Variants in KIRREL3 observed in about 807,000 individuals in gnomAD.
KIRREL3 encodes the protein kirre like nephrin family adhesion molecule 3, also known as kin of IRRE-like protein 3.
In KIRREL3, 36 loss-of-function variants were observed where a neutral mutation model predicts 89.7. That is an observed-to-expected ratio of 0.40 (90% CI 0.31 to 0.53). The LOEUF is 0.53. KIRREL3 is among the 20% of genes least tolerant of loss of function. The pLI is 0.49. For synonymous variants in KIRREL3, 445 were observed against 441.4 expected (o/e 1.01, Z -0.10); for missense variants, 864 against 1,056.6 (o/e 0.82, Z 2.53).
rs374371528 is a variant in KIRREL3 at position 126,802,136 on chromosome 11, G to A, written c.55+198319C>T. On this transcript the variant is annotated intron_variant, in intron 1 of 16. Transcript: ENST00000525144. This position sits in a 1 kb window ranked among gnomAD's most constrained non-coding sequence, Gnocchi z 5.2. ...AGACATTCAGAAATTCAGTTTTAAT[G>A]TCACAGGTTATGACTGTCGTTTACC... 7.2e-5 allele frequency among the ~76,000 whole-genome samples: 11 copies of A among 152,128 alleles called. No homozygotes were observed. Among genetic ancestry groups the A allele is most frequent in the African/African-American group, 2.7e-4 (11 of 41,426 alleles).
chr11:126,502,084 GT>G (rs1301718497), intron 4 of KIRREL3, among the ~76,000 whole-genome samples: 1 of 152,172 alleles, frequency 6.6e-6, no homozygotes, highest in Non-Finnish European at 1.5e-5. Flanking sequence ...GATAATGAAT[GT>G]AAAAAACTCT....
intron 6 of KIRREL3, among the ~76,000 whole-genome samples, chr11:126,457,365 G>A (rs1441685125): frequency 1.1e-5 from 1 of 87,392 alleles, no homozygotes; most frequent in African/African-American, 4.7e-5. Flanking sequence ...GTCTCTGTGT[G>A]TATGCGTGTA....
chr11:126,767,049 AT>A (rs1949847078), intron 1 of KIRREL3, among the ~76,000 whole-genome samples: 1 of 152,200 alleles, frequency 6.6e-6, no homozygotes, highest in African/African-American at 2.4e-5. Context: ...TACAGGGCTG[AT>A]TTAATGTGAC....
intron 1 of KIRREL3, among the ~76,000 whole-genome samples, chr11:126,865,866 CT>C (rs898324006): frequency 4.0e-5 from 6 of 151,502 alleles, no homozygotes; most frequent in Middle Eastern, 3.4e-3. Flanking sequence ...TTTTTTCTTT[CT>C]TTTTTTTTAA....
rs1395991009 is a variant in KIRREL3, at chr11:126,802,737, C to A, written c.55+197718G>T. 6.6e-6 allele frequency among the ~76,000 whole-genome samples: 1 copy of A among 152,196 alleles called. No individual in the cohort carries two copies. The highest frequency in any genetic ancestry group is 6.5e-5 in the Admixed American group (1 of 15,284). ...TAATTATCCTACTCTTTAAATCAAT[C>A]TTTCTTAAATGTATGTATAGATCTT... On this transcript the variant is annotated intron_variant, in intron 1 of 16. Coordinates refer to ENST00000525144, the MANE Select transcript of KIRREL3 (RefSeq NM_032531.4). This position sits in a 1 kb window ranked among gnomAD's most constrained non-coding sequence, Gnocchi z 5.2.
At position 126,424,402 on chromosome 11, in the gene KIRREL3, T is replaced by G; in HGVS notation, c.*178A>C. On this transcript the variant is annotated 3_prime_UTR_variant, in exon 17 of 17. Transcript: ENST00000525144. ...CCGCCCACCTCTGGCACACAGCACCTGGGGACCCAGATTTGTGCTTGATCA... is the reference window on the plus strand; with the variant it reads ...CCGCCCACCTCTGGCACACAGCACCGGGGGACCCAGATTTGTGCTTGATCA... 2 of 389,470 alleles carry G rather than the reference T, an allele frequency of 5.1e-6. No homozygotes were observed. The highest frequency in any genetic ancestry group is 9.8e-6 in the Non-Finnish European group (2 of 203,140). 24.1% of individuals were successfully genotyped at this position (389,470 alleles called of 1,614,324 possible).
rs1467578816 is a variant in KIRREL3, at chr11:126,890,999, G to A, written c.55+109456C>T. Among the ~76,000 whole-genome samples, 1 of 152,176 alleles carries A rather than the reference G, an allele frequency of 6.6e-6. No individual in the cohort carries two copies. The highest frequency in any genetic ancestry group is 6.5e-5 in the Admixed American group (1 of 15,282). ...GCCCACTCTGCTGCCTTTATTTAAT[G>A]AGGTTTATTGTTTGTGCTTAGTAAT... On this transcript the variant is annotated intron_variant, in intron 1 of 16. Coordinates refer to ENST00000525144, the MANE Select transcript of KIRREL3 (RefSeq NM_032531.4). The surrounding 1 kb of genome is among the most constrained non-coding windows in gnomAD (Gnocchi z 5.1).
rs370371481 is a variant in KIRREL3 at position 126,724,718 on chromosome 11, T to C, written c.56-161806A>G. Among the ~76,000 whole-genome samples, 12 of 152,328 alleles carry C rather than the reference T, an allele frequency of 7.9e-5. No homozygotes were observed. In the East Asian group the frequency reaches 1.2e-3, roughly 15 times the overall value. On this transcript the variant is annotated intron_variant, in intron 1 of 16. Coordinates refer to ENST00000525144, the MANE Select transcript of KIRREL3 (RefSeq NM_032531.4). This position sits in a 1 kb window ranked among gnomAD's most constrained non-coding sequence, Gnocchi z 4.3. ...ATGAGGCATCTTTTGAATGCTGAGA[T>C]TGGGAAGCAAGACTGAGACCTGCTT...
chr11:126,680,219 G>A (rs554005589), intron 1 of KIRREL3, among the ~76,000 whole-genome samples: 2 of 152,182 alleles, frequency 1.3e-5, no homozygotes, highest in East Asian at 1.9e-4. Flanking sequence ...TGACCAGTGA[G>A]GGCAACAGAA....
intron 1 of KIRREL3, among the ~76,000 whole-genome samples, chr11:126,712,118 G>A (rs1301295116): frequency 6.6e-6 from 1 of 152,222 alleles, no homozygotes; most frequent in African/African-American, 2.4e-5. Context: ...AAAACAGCGC[G>A]CAGCGACTTT....
chr11:126,557,354 T>C lies in KIRREL3; in HGVS notation c.133+5481A>G, dbSNP rs1939780964. 6.6e-6 allele frequency among the ~76,000 whole-genome samples: 1 copy of C among 152,252 alleles called. No homozygotes were observed. The highest frequency in any genetic ancestry group is 2.4e-5 in the African/African-American group (1 of 41,472). ...ATTGACTTTTTTGTACTGGTTCCTT[T>C]GGTGACCAAGACATTTAAAATTATG... On this transcript the variant is annotated intron_variant, in intron 2 of 16. Coordinates refer to ENST00000525144, the MANE Select transcript of KIRREL3 (RefSeq NM_032531.4). This position sits in a 1 kb window ranked among gnomAD's most constrained non-coding sequence, Gnocchi z 5.6.
chr11:126,467,062 CGT>C (rs1050008633), intron 5 of KIRREL3, among the ~76,000 whole-genome samples: 15 of 152,358 alleles, frequency 9.8e-5, no homozygotes, highest in Non-Finnish European at 1.9e-4. Context: ...ATATAGATGG[CGT>C]GTGTGCAGCA....
chr11:126,899,175 A>T (rs1341093706), intron 1 of KIRREL3, among the ~76,000 whole-genome samples: 1 of 152,074 alleles, frequency 6.6e-6, no homozygotes, highest in East Asian at 1.9e-4. Flanking sequence ...TTTCCTATAT[A>T]TATATATATG....
At chr11:126,680,903 G>T (rs939521261) in intron 1 of KIRREL3, among the ~76,000 whole-genome samples, 1 of 152,100 alleles carries the variant, frequency 6.6e-6, no homozygotes. Context: ...CGACCTAACA[G>T]GATTGAATAT....
intron 1 of KIRREL3, among the ~76,000 whole-genome samples, chr11:126,600,888 T>C (rs1349587922): frequency 6.6e-6 from 1 of 152,194 alleles, no homozygotes; most frequent in Non-Finnish European, 1.5e-5. Context: ...CTGTTCCCTC[T>C]CCCAGTCACC....
rs1950633288 is a variant in KIRREL3, at chr11:126,791,326, T to C, written c.55+209129A>G. On this transcript the variant is annotated intron_variant, in intron 1 of 16. Coordinates refer to ENST00000525144, the MANE Select transcript of KIRREL3 (RefSeq NM_032531.4). This position sits in a 1 kb window ranked among gnomAD's most constrained non-coding sequence, Gnocchi z 4.8. ...AAAGGGAGGGCAGGTGTTATCATAA[T>C]AGGACATTCCAATTCATCGTCCCTG... Among the ~76,000 whole-genome samples the C allele has an allele frequency of 6.6e-6, 1 of 152,184 alleles. No homozygotes were observed. Among genetic ancestry groups the C allele is most frequent in the Non-Finnish European group, 1.5e-5 (1 of 68,040 alleles).
In KIRREL3 at chr11:126,890,215, C is replaced by T. The variant is rs541273576; in HGVS notation, c.55+110240G>A. Reference sequence around the variant, plus strand: ...TGGGAGGAGAATGGTTTCTGGCTCCCGGCAGGTTCATGAAAGAGAAAGGGT... The same window carrying T: ...TGGGAGGAGAATGGTTTCTGGCTCCTGGCAGGTTCATGAAAGAGAAAGGGT... On this transcript the variant is annotated intron_variant, in intron 1 of 16. Coordinates refer to ENST00000525144, the MANE Select transcript of KIRREL3 (RefSeq NM_032531.4). This position sits in a 1 kb window ranked among gnomAD's most constrained non-coding sequence, Gnocchi z 5.1. Among the ~76,000 whole-genome samples, 18 of 152,184 alleles carry T rather than the reference C, an allele frequency of 1.2e-4. No homozygotes were observed. The South Asian group carries it at 1.5e-3, about 12-fold the overall frequency.
rs1958113951 is a variant in KIRREL3, at chr11:126,508,958, A to C, written c.433+12357T>G. Among the ~76,000 whole-genome samples the C allele has an allele frequency of 6.6e-6, 1 of 152,048 alleles. No individual in the cohort carries two copies. Among genetic ancestry groups the C allele is most frequent in the South Asian group, 2.1e-4 (1 of 4,818 alleles). On this transcript the variant is annotated intron_variant, in intron 4 of 16. Transcript: ENST00000525144. This position sits in a 1 kb window ranked among gnomAD's most constrained non-coding sequence, Gnocchi z 4.9. ...CACAAGCTGCCCTTTCTGTGCATAG[A>C]AGGTGTGGCTGAACTTAGATCTCCT...
chr11:126,707,888 C>A (rs1219484162), intron 1 of KIRREL3, among the ~76,000 whole-genome samples: 1 of 151,506 alleles, frequency 6.6e-6, no homozygotes, highest in South Asian at 2.1e-4. Context: ...CAAAACTTCA[C>A]CCTTCTTGCC....
Sources: gnomAD v4.1 joint callset for allele counts (sites outside exome capture counted in the v4.1 genomes callset) on GRCh38, gnomAD v4.1.1 for gene constraint, Gnocchi (gnomAD v3.1) non-coding constraint, MANE v1.5 for transcripts, NCBI Gene and HGNC (gene_info 2026-07-23, HGNC 2026-07-21) for gene names.